KAT6A: variants seen among roughly 807,000 people sequenced by gnomAD.
The protein encoded by KAT6A is histone acetyltransferase KAT6A.
In KAT6A, 9 loss-of-function variants were observed where a neutral mutation model predicts 198.4. The ratio of observed to expected loss-of-function variants is 0.05; its 90% CI spans 0.03 to 0.08. The LOEUF is 0.08. KAT6A is among the 10% of genes least tolerant of loss of function. The pLI, the probability that KAT6A is intolerant of heterozygous loss-of-function variation, is 1.00. For missense variants in KAT6A, 2,077 were observed against 2,509.9 expected (o/e 0.83, Z 3.69); for synonymous variants, 890 against 883.0 (o/e 1.01, Z -0.14).
chr8:42,050,585 G>T (rs1051789784), intron 1 of KAT6A, among the ~76,000 whole-genome samples: 1 of 152,188 alleles, frequency 6.6e-6, no homozygotes, highest in Non-Finnish European at 1.5e-5. Flanking sequence ...CCTGAGCCAA[G>T]ATTTGTTTTT....
At chr8:42,040,975 G>A (rs547469375) in intron 2 of KAT6A, among the ~76,000 whole-genome samples, 170 of 151,868 alleles carry the variant, frequency 1.1e-3, no homozygotes, top group South Asian at 3.5e-3. Flanking sequence ...AGCACTTTGG[G>A]AAGCCAATCA....
intron 8 of KAT6A, among the ~76,000 whole-genome samples, chr8:41,956,036 T>C (rs1822901471): frequency 6.6e-6 from 1 of 152,234 alleles, no homozygotes; most frequent in Non-Finnish European, 1.5e-5. Flanking sequence ...TTCTCTTTTT[T>C]CTGCCTTCTC....
intron 11 of KAT6A, among the ~76,000 whole-genome samples, 195 bp downstream of exon 11, chr8:41,947,556 G>A (rs1822459334): frequency 6.6e-6 from 1 of 152,154 alleles, no homozygotes; most frequent in African/African-American, 2.4e-5. Context: ...ATAATCCTAG[G>A]AGAATATAGG....
At chr8:41,945,226 C>T (rs1307223043) in intron 12 of KAT6A, among the ~76,000 whole-genome samples, 1 of 151,778 alleles carries the variant, frequency 6.6e-6, no homozygotes, top group East Asian at 1.9e-4. Flanking sequence ...AAAAAATGCA[C>T]ACATTTTCTC....
chr8:41,993,954 T>C (rs761467326), intron 2 of KAT6A, among the ~76,000 whole-genome samples: 1 of 151,916 alleles, frequency 6.6e-6, no homozygotes, highest in Non-Finnish European at 1.5e-5. Context: ...AAGGTGGTTA[T>C]AGGAAAAATA....
Position 41,955,333 on chromosome 8 carries a change from T to C in KAT6A, c.1561A>G (p.Thr521Ala). ...TGAGGATATGGGGAGGAGTACCAGG[T>C]GTGAATTTCATACTTCCCAAACTCA... The part of the protein sequence containing the change: ...VIEFGKYEIH[T>A]WYSSPYPQEY... The change falls in exon 9 of 17, where the codon ACC becomes GCC. Residue 521 changes from threonine (T) to alanine (A), a missense_variant. Thr to Ala is a moderately conservative substitution (Grantham distance 58, BLOSUM62 0). Coordinates refer to ENST00000265713, the MANE Select transcript of KAT6A (RefSeq NM_006766.5). 1 of 1,612,866 alleles carries C rather than the reference T, an allele frequency of 6.2e-7. No individual in the cohort carries two copies. Among genetic ancestry groups the C allele is most frequent in the Non-Finnish European group, 8.5e-7 (1 of 1,178,934 alleles).
intron 3 of KAT6A, among the ~76,000 whole-genome samples, chr8:41,983,146 T>C (rs1227827112): frequency 6.6e-6 from 1 of 152,194 alleles, no homozygotes; most frequent in Non-Finnish European, 1.5e-5. Context: ...TTCTCAAAAA[T>C]TAAGGGTAGC....
intron 2 of KAT6A, among the ~76,000 whole-genome samples, chr8:41,993,451 A>AG (rs1445193018): frequency 6.6e-6 from 1 of 152,232 alleles, no homozygotes; most frequent in East Asian, 1.9e-4. Context: ...CAAGCTGTAT[A>AG]AAAACAGTTT....
chr8:42,044,041 AT>A, intron 2 of KAT6A, among the ~76,000 whole-genome samples: 1 of 151,968 alleles, frequency 6.6e-6, no homozygotes, highest in Non-Finnish European at 1.5e-5. Context: ...TAAACTCACC[AT>A]TAACTACCAC....
At chr8:41,974,870 C>T (rs1010824632) in intron 7 of KAT6A, 48 bp from the exon 8 acceptor site, 5 of 1,178,516 alleles carry the variant, frequency 4.2e-6, no homozygotes, top group East Asian at 2.4e-5. Context: ...CAGATTAATA[C>T]ATGAACTAGA....
At chr8:41,937,620 T>C (rs1554680924) in intron 15 of KAT6A, 52 bp from the exon 16 acceptor site, 5 of 1,396,050 alleles carry the variant, frequency 3.6e-6, no homozygotes, top group East Asian at 2.3e-5. Flanking sequence ...ATCTTTTCTA[T>C]TAATAATACG....
chr8:41,991,709 T>C (rs1483893540), intron 2 of KAT6A, among the ~76,000 whole-genome samples: 1 of 152,136 alleles, frequency 6.6e-6, no homozygotes, highest in Non-Finnish European at 1.5e-5. Flanking sequence ...ACATTAAAGT[T>C]TGGAACTTAG....
At chr8:41,962,093 A>G (rs1439349230) in intron 8 of KAT6A, among the ~76,000 whole-genome samples, 1 of 151,992 alleles carries the variant, frequency 6.6e-6, no homozygotes, top group Non-Finnish European at 1.5e-5. Context: ...CTACACCTTC[A>G]TGTTTTTTTT....
At chr8:42,041,164 C>T (rs1827647189) in intron 2 of KAT6A, among the ~76,000 whole-genome samples, 1 of 142,086 alleles carries the variant, frequency 7.0e-6, no homozygotes, top group African/African-American at 2.6e-5. Context: ...CACTGCACTC[C>T]AGTCTGGGCA....
At chr8:41,946,786 G>T in intron 11 of KAT6A, 102 bp from the exon 12 acceptor site, 3 of 696,106 alleles carry the variant, frequency 4.3e-6, no homozygotes, top group Non-Finnish European at 5.1e-6. Context: ...CACAGCCCTG[G>T]TCCTTTGGGA....
chr8:41,957,550 C>A (rs933801716), intron 8 of KAT6A: 1 of 252,568 alleles, frequency 4.0e-6, no homozygotes, highest in Non-Finnish European at 8.0e-6. Flanking sequence ...ATCAAGGGCA[C>A]AAAATATATT....
At chr8:41,967,690 C>T (rs1340332778) in intron 8 of KAT6A, among the ~76,000 whole-genome samples, 1 of 152,198 alleles carries the variant, frequency 6.6e-6, no homozygotes, top group Non-Finnish European at 1.5e-5. Flanking sequence ...TTAACCCGGT[C>T]TATCATTGTT....
chr8:41,974,964 T>C (rs781560528), intron 7 of KAT6A, 142 bp from the exon 8 acceptor site: 1 of 462,514 alleles, frequency 2.2e-6, no homozygotes. Flanking sequence ...AGAAGAATGC[T>C]ACTCAATAAA....
chr8:41,932,520 C>G lies in KAT6A; in HGVS notation c.5700G>C (p.Gly1900=). 2 of 1,614,234 alleles carry G rather than the reference C, an allele frequency of 1.2e-6. No individual in the cohort carries two copies. The highest frequency in any genetic ancestry group is 1.1e-5 in the South Asian group (1 of 91,084). The change falls in exon 17 of 17, where the codon GGG becomes GGC. Residue 1900 remains glycine (G), a synonymous_variant. Coordinates refer to ENST00000265713, the MANE Select transcript of KAT6A (RefSeq NM_006766.5). ...ALAVQRGMNM[G]VNLMPTPAYN... ...AGGCGGGAGTAGGCATCAGATTAAC[C>G]CCCATGTTCATGCCACGCTGAACAG... is the stretch of plus-strand genomic sequence containing the variant.
Sources: gnomAD v4.1 joint callset for allele counts (sites outside exome capture counted in the v4.1 genomes callset) on GRCh38, gnomAD v4.1.1 for gene constraint, MANE v1.5 for transcripts, NCBI Gene and HGNC (gene_info 2026-07-23, HGNC 2026-07-21) for gene names.